Variants in MKNK2 observed in about 807,000 individuals in gnomAD.
The protein encoded by MKNK2 is MAPK interacting serine/threonine kinase 2, also known as MAP kinase-interacting serine/threonine-protein kinase 2.
Under a neutral mutation model 55.0 loss-of-function variants are expected in MKNK2, and 54 were observed. The ratio of observed to expected loss-of-function variants is 0.98; its 90% CI spans 0.79 to 1.23. The LOEUF (loss-of-function observed/expected upper bound fraction) is 1.23, where lower values mean the gene tolerates loss of function less well. Among genes scored for constraint, MKNK2 ranks in the 50% most tolerant of loss-of-function variants. The pLI is 0.00. For synonymous variants in MKNK2, 323 were observed against 256.0 expected (o/e 1.26, Z -2.50); for missense variants, 685 against 632.1 (o/e 1.08, Z -0.90).
Position 2,039,531 on chromosome 19 carries a change from G to C in MKNK2, c.*82C>G. On this transcript the variant is annotated 3_prime_UTR_variant, in exon 14 of 14. Coordinates refer to ENST00000250896, the MANE Select transcript of MKNK2 (RefSeq NM_199054.3). The stretch of plus-strand genomic sequence containing the variant: ...CAGGCAGAGGAGGGGCAGCCCGCTG[G>C]ACACCGGCTGGCGATAGCTTAAAAA... 1 of 1,495,466 alleles carries C rather than the reference G, an allele frequency of 6.7e-7. No homozygotes were observed. The highest frequency in any genetic ancestry group is 8.9e-7 in the Non-Finnish European group (1 of 1,119,850). The allele number at this position is 1,495,466 out of a possible 1,614,324, so 92.6% of individuals were successfully genotyped here.
chr19:2,041,805 G>A lies in MKNK2; in HGVS notation c.945+35C>T, dbSNP rs888961675. On this transcript the variant is annotated intron_variant, in intron 11 of 13. Transcript: ENST00000250896. ...TTCAGGGCAGGCCCGGGGGAGGAGGGTGCCCAGGAGAGGAGGGTGCGCGGG... is the reference window on the plus strand; with the variant it reads ...TTCAGGGCAGGCCCGGGGGAGGAGGATGCCCAGGAGAGGAGGGTGCGCGGG... 28 of 1,470,334 alleles carry A rather than the reference G, an allele frequency of 1.9e-5. No individual in the cohort carries two copies. In the Admixed American group the frequency reaches 5.2e-4, roughly 27 times the overall value. The allele number at this position is 1,470,334 out of a possible 1,614,324, so 91.1% of individuals were successfully genotyped here.
chr19:2,041,448 T>G (rs527464595), intron 11 of MKNK2, among the ~76,000 whole-genome samples: 1 of 152,124 alleles, frequency 6.6e-6, no homozygotes, highest in East Asian at 1.9e-4. Flanking sequence ...TGCTGAGCCT[T>G]AAGCCGCGGG....
At position 2,051,030 on chromosome 19, in the gene MKNK2, C is replaced by A; in HGVS notation, c.-97+66G>T. 8.0e-6 allele frequency: 3 copies of A among 374,792 alleles called. 1 individual carries two copies. The South Asian group carries it at 2.5e-4, about 32-fold the overall frequency. The allele number at this position is 374,792 out of a possible 1,614,324, so 23.2% of individuals were successfully genotyped here. A position where few individuals can be genotyped will look rare whatever the true frequency, so the allele number is the denominator to read the frequency against. On this transcript the variant is annotated intron_variant, in intron 1 of 13. Transcript: ENST00000250896. ...GCGGACCGGGCGGGGGCGGCGAGGG[C>A]TCCGCGGGGCCCGTTTCCCGCTACC... is the stretch of plus-strand genomic sequence containing the variant.
At position 2,037,507 on chromosome 19, in the gene MKNK2, A is replaced by C. The variant is rs113148657; in HGVS notation, c.*2106T>G. On this transcript the variant is annotated 3_prime_UTR_variant, in exon 14 of 14. Coordinates refer to ENST00000250896, the MANE Select transcript of MKNK2 (RefSeq NM_199054.3). ...GACTTTTATTAAATCTTTACAAAAC[A>C]GAATACAAAATTCCGGCATTGACAG... 3 of 366,094 alleles carry C rather than the reference A, an allele frequency of 8.2e-6. No individual in the cohort carries two copies. The Admixed American group carries it at 1.4e-4, about 17-fold the overall frequency. 22.7% of individuals were successfully genotyped at this position (366,094 alleles called of 1,614,324 possible). A position where few individuals can be genotyped will look rare whatever the true frequency, so the allele number is the denominator to read the frequency against.
chr19:2,042,212 C>A, intron 10 of MKNK2, 178 bp from the exon 11 acceptor site: 1 of 724,686 alleles, frequency 1.4e-6, no homozygotes, highest in Non-Finnish European at 2.1e-6. Flanking sequence ...GCTCGCCCCT[C>A]CCCCGCCGCG....
In MKNK2 at chr19:2,051,216, A is replaced by T. The variant is rs537949763; in HGVS notation, c.-217T>A. 1.3e-5 allele frequency: 2 copies of T among 152,992 alleles called. No individual in the cohort carries two copies. The highest frequency in any genetic ancestry group is 4.9e-5 in the African/African-American group (2 of 40,864). The allele number at this position is 152,992 out of a possible 1,614,324, so 9.5% of individuals were successfully genotyped here. On this transcript the variant is annotated 5_prime_UTR_variant, in exon 1 of 14. Coordinates refer to ENST00000250896, the MANE Select transcript of MKNK2 (RefSeq NM_199054.3). ...CGCCGCCGCCAGCGCGGACCCCTCT[A>T]CCTGGGCCACCGCCGCTGAGAGGAG...
intron 10 of MKNK2, 86 bp downstream of exon 10, chr19:2,042,341 G>A: frequency 1.6e-6 from 2 of 1,235,688 alleles, no homozygotes; most frequent in South Asian, 2.6e-5. Context: ...TCCGCGGCCT[G>A]GAGCTGCTGG....
At chr19:2,044,518 A>G (rs1202370799) in intron 5 of MKNK2, among the ~76,000 whole-genome samples, 1 of 152,052 alleles carries the variant, frequency 6.6e-6, no homozygotes, top group East Asian at 1.9e-4. Flanking sequence ...GCCAGGCTGG[A>G]CATGTTAGCC....
In MKNK2 at chr19:2,038,043, G is replaced by A. The variant is rs1304713445; in HGVS notation, c.*1570C>T. The A allele has an allele frequency of 1.1e-5, 14 of 1,283,482 alleles. No individual in the cohort carries two copies. Among genetic ancestry groups the A allele is most frequent in the South Asian group, 2.0e-5 (1 of 49,852 alleles). 79.5% of individuals were successfully genotyped at this position (1,283,482 alleles called of 1,614,324 possible). A position where few individuals can be genotyped will look rare whatever the true frequency, so the allele number is the denominator to read the frequency against. On this transcript the variant is annotated 3_prime_UTR_variant, in exon 14 of 14. Coordinates refer to ENST00000250896, the MANE Select transcript of MKNK2 (RefSeq NM_199054.3). ...GGCGGAATGCCCCACCCCCCCCAGG[G>A]GTCTTTGGAAGGGGCAGTCCACAGA...
rs759070570 is a variant in MKNK2 at position 2,041,244 on chromosome 19, G to A, written c.946-40C>T. ...CACAGGGGAGCTTAGACCTGCCCAA[G>A]GGCCTGGATACTGTGCACTGACACG... On this transcript the variant is annotated intron_variant, in intron 11 of 13. Coordinates refer to ENST00000250896, the MANE Select transcript of MKNK2 (RefSeq NM_199054.3). 11 of 1,582,188 alleles carry A rather than the reference G, an allele frequency of 7.0e-6. No homozygotes were observed. In the African/African-American group the frequency reaches 1.3e-4, roughly 19 times the overall value.
In MKNK2 at chr19:2,038,601, C is replaced by G; in HGVS notation, c.*1012G>C. On this transcript the variant is annotated 3_prime_UTR_variant, in exon 14 of 14. Coordinates refer to ENST00000250896, the MANE Select transcript of MKNK2 (RefSeq NM_199054.3). ...TGGGGGTGAGGATTCGGCCAGACCC[C>G]GGGGTCTGGGCTCAGCTCTAAGGAC... 2 of 985,336 alleles carry G rather than the reference C, an allele frequency of 2.0e-6. No homozygotes were observed. Among genetic ancestry groups the G allele is most frequent in the Non-Finnish European group, 2.4e-6 (2 of 829,858 alleles). The allele number at this position is 985,336 out of a possible 1,614,324, so 61.0% of individuals were successfully genotyped here.
chr19:2,045,310 G>A (rs2145690918), intron 5 of MKNK2, among the ~76,000 whole-genome samples: 1 of 152,288 alleles, frequency 6.6e-6, no homozygotes, highest in South Asian at 2.1e-4. Context: ...AAGACAGGAA[G>A]CAAGGCTGGG....
At position 2,038,196 on chromosome 19, in the gene MKNK2, C is replaced by T. The variant is rs138838851; in HGVS notation, c.*1417G>A. ...CCGAGGCCCCCACCCCCAGGCCCCC[C>T]GACATTCAAGTATTCTTCAAGAACA... On this transcript the variant is annotated 3_prime_UTR_variant, in exon 14 of 14. Coordinates refer to ENST00000250896, the MANE Select transcript of MKNK2 (RefSeq NM_199054.3). 1,348 of 1,008,108 alleles carry T rather than the reference C, an allele frequency of 1.3e-3. 3 individuals carry two copies. Among genetic ancestry groups the T allele is most frequent in the Middle Eastern group, 4.9e-3 (10 of 2,030 alleles). 62.4% of individuals were successfully genotyped at this position (1,008,108 alleles called of 1,614,324 possible).
Position 2,042,005 on chromosome 19 carries a change from C to T in MKNK2, c.780G>A (p.Glu260=). 2 of 1,545,154 alleles carry T rather than the reference C, an allele frequency of 1.3e-6. No homozygotes were observed. ...PCGSAEYMAP[E]VVEAFSEEAS... is the part of the protein sequence containing the mutation. ...CCTCCTCGCTGAAGGCCTCCACTAC[C>T]TCCGGGGCCATGTACTCCGCCGAGC... Residue 260 remains glutamate, a synonymous_variant, in exon 11 of 14, where the codon GAG becomes GAA. Coordinates refer to ENST00000250896, the MANE Select transcript of MKNK2 (RefSeq NM_199054.3).
chr19:2,046,869 C>T (rs918433616), intron 2 of MKNK2, among the ~76,000 whole-genome samples, 178 bp from the exon 3 acceptor site: 7 of 152,192 alleles, frequency 4.6e-5, no homozygotes, highest in South Asian at 2.1e-4. Context: ...GATCAACTCC[C>T]GAAGGGGCAG....
At chr19:2,043,351 G>A (rs541250855) in intron 6 of MKNK2, 152 bp downstream of exon 6, 1 of 983,774 alleles carries the variant, frequency 1.0e-6, no homozygotes, top group South Asian at 1.4e-5. Context: ...TGCCCGCCTG[G>A]GGCTGTCAGC....
chr19:2,039,115 C>A lies in MKNK2; in HGVS notation c.*498G>T, dbSNP rs913796674. 3.0e-6 allele frequency: 3 copies of A among 988,374 alleles called. No homozygotes were observed. The highest frequency in any genetic ancestry group is 3.6e-6 in the Non-Finnish European group (3 of 831,686). The allele number at this position is 988,374 out of a possible 1,614,324, so 61.2% of individuals were successfully genotyped here. A position where few individuals can be genotyped will look rare whatever the true frequency, so the allele number is the denominator to read the frequency against. Reference sequence around the variant, plus strand: ...CCCCAACCAAGCCACCAGGGGTGCTCTCAGGGTGAGGGATAGAGGGGAAGA... The same window carrying A: ...CCCCAACCAAGCCACCAGGGGTGCTATCAGGGTGAGGGATAGAGGGGAAGA... On this transcript the variant is annotated 3_prime_UTR_variant, in exon 14 of 14. Transcript: ENST00000250896.
At position 2,038,610 on chromosome 19, in the gene MKNK2, G is replaced by C. The variant is rs1182227610; in HGVS notation, c.*1003C>G. 1.0e-6 allele frequency: 1 copy of C among 985,286 alleles called. No individual in the cohort carries two copies. Among genetic ancestry groups the C allele is most frequent in the Admixed American group, 6.2e-5 (1 of 16,256 alleles). 61.0% of individuals were successfully genotyped at this position (985,286 alleles called of 1,614,324 possible). A position where few individuals can be genotyped will look rare whatever the true frequency, so the allele number is the denominator to read the frequency against. On this transcript the variant is annotated 3_prime_UTR_variant, in exon 14 of 14. Coordinates refer to ENST00000250896, the MANE Select transcript of MKNK2 (RefSeq NM_199054.3). ...GGATTCGGCCAGACCCCGGGGTCTGGGCTCAGCTCTAAGGACAAGGACGGA... is the reference window on the plus strand; with the variant it reads ...GGATTCGGCCAGACCCCGGGGTCTGCGCTCAGCTCTAAGGACAAGGACGGA...
chr19:2,043,798 A>G (rs2016943502), intron 5 of MKNK2, among the ~76,000 whole-genome samples: 1 of 151,900 alleles, frequency 6.6e-6, no homozygotes, highest in South Asian at 2.1e-4. Flanking sequence ...ACATGGCAAA[A>G]CCCTGTCTCT....
Sources: allele counts gnomAD v4.1 joint callset (sites outside exome capture counted in the v4.1 genomes callset), GRCh38; gene constraint gnomAD v4.1.1; transcripts MANE v1.5; gene names NCBI Gene and HGNC (gene_info 2026-07-23, HGNC 2026-07-21).